Variants in SLIT1 observed in about 807,000 individuals in gnomAD.
SLIT1 encodes slit guidance ligand 1, also known as slit homolog 1 protein.
Under a neutral mutation model 186.1 loss-of-function variants are expected in SLIT1, and 66 were observed. That is an observed-to-expected ratio of 0.35 (90% CI 0.29 to 0.44). The LOEUF (loss-of-function observed/expected upper bound fraction) is 0.44, where lower values mean the gene tolerates loss of function less well. Among genes scored for constraint, SLIT1 ranks in the 20% least tolerant of loss-of-function variants. The pLI, the probability that SLIT1 is intolerant of heterozygous loss-of-function variation, is 1.00. For missense variants in SLIT1, 1,638 were observed against 2,037.4 expected, an observed-to-expected ratio of 0.80 and a Z score of 3.77; for synonymous variants, 761 against 833.8, an observed-to-expected ratio of 0.91 and a Z score of 1.50.
At chr10:97,148,757 ATTTTAT>A (rs1270771663) in intron 4 of SLIT1, among the ~76,000 whole-genome samples, 1 of 152,208 alleles carries the variant, frequency 6.6e-6, no homozygotes, top group East Asian at 1.9e-4. Flanking sequence ...TTTCAAAGAA[ATTTTAT>A]TTTTAATATG....
intron 4 of SLIT1, among the ~76,000 whole-genome samples, chr10:97,098,695 G>A (rs1380339405): frequency 6.6e-6 from 1 of 152,194 alleles, no homozygotes; most frequent in African/African-American, 2.4e-5. Context: ...TCAGCGTGGT[G>A]TCTCAGGAAG....
chr10:97,033,014 G>A (rs1013338117), intron 23 of SLIT1, among the ~76,000 whole-genome samples: 1 of 152,096 alleles, frequency 6.6e-6, no homozygotes, highest in African/African-American at 2.4e-5. Context: ...GGCAGGAGCA[G>A]GGGATTATCA....
intron 4 of SLIT1, among the ~76,000 whole-genome samples, chr10:97,152,844 G>A (rs1203723931): frequency 6.6e-6 from 1 of 152,062 alleles, no homozygotes; most frequent in East Asian, 1.9e-4. Context: ...TGGAATCCTG[G>A]CTTTTGATAT....
chr10:97,091,791 A>AC (rs1472018417), intron 4 of SLIT1, among the ~76,000 whole-genome samples: 1 of 151,732 alleles, frequency 6.6e-6, no homozygotes, highest in Admixed American at 6.6e-5. Context: ...CAGGGCTTGG[A>AC]CCCCCCTCTG....
chr10:97,069,780 A>T (rs1848985231), intron 4 of SLIT1, among the ~76,000 whole-genome samples: 1 of 152,226 alleles, frequency 6.6e-6, no homozygotes. Flanking sequence ...TAGTTAAAAG[A>T]CATCCACAAA....
intron 4 of SLIT1, among the ~76,000 whole-genome samples, chr10:97,129,900 C>T (rs928211379): frequency 2.0e-5 from 3 of 152,084 alleles, no homozygotes; most frequent in Non-Finnish European, 4.4e-5. Context: ...CCCAGCCAGA[C>T]GCTCTCTCAA....
At chr10:97,151,462 A>G (rs1849879000) in intron 4 of SLIT1, among the ~76,000 whole-genome samples, 2 of 145,244 alleles carry the variant, frequency 1.4e-5, no homozygotes, top group South Asian at 2.2e-4. Flanking sequence ...TGGGGGATGG[A>G]GGGATGGGTC....
chr10:97,125,532 TCAAAAA>T (rs1849596152), intron 4 of SLIT1, among the ~76,000 whole-genome samples: 2 of 34,240 alleles, frequency 5.8e-5, no homozygotes, highest in Admixed American at 3.4e-4. Context: ...AGACCCTGTG[TCAAAAA>T]AAAAAAAAAA....
At position 97,060,771 on chromosome 10, in the gene SLIT1, C is replaced by G. The variant is rs33970910; in HGVS notation, c.810G>C (p.Gly270=). ...EFSCSGQGEA[G]RVPTCTLSSG... is the part of the protein sequence containing the mutation. ...AGGACAGGGTGCAGGTGGGCACGCG[C>G]CCCGCTTCTCCCTGGCCTGCAGAAA... Residue 270 remains glycine, a synonymous_variant, in exon 9 of 37, where the codon GGG becomes GGC. Coordinates refer to ENST00000266058, the MANE Select transcript of SLIT1 (RefSeq NM_003061.3). The G allele has an allele frequency of 0.13, 216,586 of 1,604,834 alleles. 15,480 individuals carry two copies. Among genetic ancestry groups the G allele is most frequent in the Non-Finnish European group, 0.15 (174,789 of 1,175,460 alleles).
Position 97,004,096 on chromosome 10 carries a change from G to C in SLIT1, c.3837C>G (p.Leu1279=). ...CCACATAGAGTGGCGCCTCGCTGTT[G>C]AGCGTGTAATGTTTGCCAAAGTTGT... ...TMDNFGKHYT[L]NSEAPLYVGG... The change falls in exon 34 of 37, where the codon CTC becomes CTG. Residue 1279 remains leucine (L), a synonymous_variant. Transcript: ENST00000266058. This position sits in a 1 kb window ranked among gnomAD's most constrained non-coding sequence, Gnocchi z 5.1. 1 of 1,612,446 alleles carries C rather than the reference G, an allele frequency of 6.2e-7. No homozygotes were observed.
chr10:97,010,000 G>T (rs999434667), intron 31 of SLIT1, among the ~76,000 whole-genome samples: 10 of 152,200 alleles, frequency 6.6e-5, no homozygotes, highest in Non-Finnish European at 1.5e-4. Flanking sequence ...CAGTTTGGTA[G>T]TTCCTCAAAC....
chr10:97,074,218 C>A (rs1849025626), intron 4 of SLIT1, among the ~76,000 whole-genome samples: 2 of 152,234 alleles, frequency 1.3e-5, no homozygotes. Flanking sequence ...TCCCTTATAT[C>A]CTGGCACATT....
Position 97,038,132 on chromosome 10 carries a change from C to T in SLIT1, c.2298-366G>A, listed in dbSNP as rs148346056. Among the ~76,000 whole-genome samples the T allele has an allele frequency of 2.7e-4, 41 of 152,236 alleles. 1 individual carries two copies. In the East Asian group the frequency reaches 7.9e-3, roughly 29 times the overall value. ...TAGATCTGATTTGCACGTTACCGGG[C>T]CCTGCCAGCTCCCAGGGCCCCCTGT... On this transcript the variant is annotated intron_variant, in intron 21 of 36. Coordinates refer to ENST00000266058, the MANE Select transcript of SLIT1 (RefSeq NM_003061.3).
intron 4 of SLIT1, among the ~76,000 whole-genome samples, chr10:97,087,782 T>G (rs1382420237): frequency 6.6e-6 from 1 of 152,152 alleles, no homozygotes; most frequent in Admixed American, 6.5e-5. Flanking sequence ...TTACCAGAGC[T>G]GGGCGCTGGG....
chr10:97,014,925 C>T (rs1848442140), intron 28 of SLIT1, among the ~76,000 whole-genome samples: 1 of 151,688 alleles, frequency 6.6e-6, no homozygotes, highest in Non-Finnish European at 1.5e-5. Flanking sequence ...CTATAGGGGC[C>T]CTGCCCATCC....
chr10:97,111,774 A>G (rs2817697), intron 4 of SLIT1, among the ~76,000 whole-genome samples: 122,154 of 152,140 alleles, frequency 0.8, 49,204 homozygotes, highest in South Asian at 0.87. Flanking sequence ...ATGAACACAC[A>G]CTTCTGTCTG....
rs1222927092 is a variant in SLIT1, at chr10:97,040,110, C to T, written c.2175G>A (p.Glu725=). 8 of 1,578,178 alleles carry T rather than the reference C, an allele frequency of 5.1e-6. No homozygotes were observed. The South Asian group carries it at 9.5e-5, about 19-fold the overall frequency. Residue 725 remains glutamate (E), a synonymous_variant, in exon 21 of 37, where the codon GAG becomes GAA. Transcript: ENST00000266058. ...ACTGTGGGCGGGGCAGGCAGCCCCC[C>T]TCCTCCTGGCCTAGGGAAGAAGGCA... ...PDFRCEEGQE[E]GGCLPRPQCP... is the part of the protein sequence containing the mutation.
chr10:97,014,468 A>T (rs919389352), intron 28 of SLIT1, among the ~76,000 whole-genome samples: 1 of 152,196 alleles, frequency 6.6e-6, no homozygotes, highest in Non-Finnish European at 1.5e-5. Context: ...TCCTTGGCAC[A>T]AAGTGATAAG....
At position 97,141,762 on chromosome 10, in the gene SLIT1, G is replaced by A. The variant is rs531797127; in HGVS notation, c.413+16056C>T. 4.3e-3 allele frequency among the ~76,000 whole-genome samples: 626 copies of A among 144,870 alleles called. 4 individuals carry two copies. Among genetic ancestry groups the A allele is most frequent in the Middle Eastern group, 7.1e-3 (2 of 280 alleles). ...GTATCGTATCGTATCGTATCGTATC[G>A]TATTGTATCGTACTGTATTGTATTG... On this transcript the variant is annotated intron_variant, in intron 4 of 36. Transcript: ENST00000266058.
Sources: gnomAD v4.1 joint callset for allele counts (sites outside exome capture counted in the v4.1 genomes callset) on GRCh38, gnomAD v4.1.1 for gene constraint, Gnocchi (gnomAD v3.1) non-coding constraint, MANE v1.5 for transcripts, NCBI Gene and HGNC (gene_info 2026-07-23, HGNC 2026-07-21) for gene names.